Variants in SEPHS1 observed in about 807,000 individuals in gnomAD.
The protein encoded by SEPHS1 is selenophosphate synthetase 1.
SEPHS1 carries 7 observed loss-of-function variants against 39.2 expected under a neutral mutation model. The ratio of observed to expected loss-of-function variants is 0.18; its 90% confidence interval spans 0.10 to 0.34. SEPHS1 has a LOEUF of 0.34. SEPHS1 is among the 10% of genes least tolerant of loss of function. The pLI is 1.00. For synonymous variants in SEPHS1, 190 were observed against 195.5 expected, an observed-to-expected ratio of 0.97 and a Z score of 0.23; for missense variants, 253 against 514.5, an observed-to-expected ratio of 0.49 and a Z score of 4.92.
At chr10:13,340,071 T>C (rs559059424) in intron 2 of SEPHS1, among the ~76,000 whole-genome samples, 3 of 152,104 alleles carry the variant, frequency 2.0e-5, no homozygotes, top group African/African-American at 7.2e-5. Flanking sequence ...GTTTAAATCA[T>C]ATCTGAATCG....
chr10:13,340,406 C>G (rs3802584), intron 2 of SEPHS1, among the ~76,000 whole-genome samples: 2 of 152,132 alleles, frequency 1.3e-5, no homozygotes, highest in South Asian at 4.1e-4. Context: ...AGATAATTCA[C>G]GTAAACAGCC....
chr10:13,335,884 G>A (rs1351363408), intron 4 of SEPHS1, among the ~76,000 whole-genome samples: 1 of 150,984 alleles, frequency 6.6e-6, no homozygotes, highest in Non-Finnish European at 1.5e-5. Context: ...GGAGGCTGAG[G>A]CAGGAGAATT....
At chr10:13,325,960 AAAAATAAT>A (rs1460730045) in intron 7 of SEPHS1, among the ~76,000 whole-genome samples, 10 of 102,902 alleles carry the variant, frequency 9.7e-5, no homozygotes, top group African/African-American at 3.9e-4. Flanking sequence ...AAAAAAAAAA[AAAAATAAT>A]AATAATAATA....
At chr10:13,342,251 A>G (rs1224773479) in intron 2 of SEPHS1, among the ~76,000 whole-genome samples, 1 of 147,674 alleles carries the variant, frequency 6.8e-6, no homozygotes, top group African/African-American at 2.6e-5. Flanking sequence ...TGGGCGACAG[A>G]GCGAGACTCC....
chr10:13,321,313 C>G (rs1833107535), intron 8 of SEPHS1, among the ~76,000 whole-genome samples: 1 of 151,788 alleles, frequency 6.6e-6, no homozygotes, highest in Non-Finnish European at 1.5e-5. Context: ...GTGGGGCGAT[C>G]TTGGCTCACT....
At chr10:13,324,380 T>C (rs1372324351) in intron 7 of SEPHS1, among the ~76,000 whole-genome samples, 9 of 152,246 alleles carry the variant, frequency 5.9e-5, no homozygotes, top group Non-Finnish European at 1.0e-4. Context: ...CAATTATGAA[T>C]AATGCTGCTA....
At position 13,325,959 on chromosome 10, in the gene SEPHS1, AAAAAAT is replaced by A. The variant is rs1300713132; in HGVS notation, c.751+2386_751+2391del. ...GAGACTCAGTCTCAAAAAAAAAAAA[AAAAAAT>A]AATAATAATAATAATAAATGAATAA... On this transcript the variant is annotated intron_variant, in intron 7 of 8. Coordinates refer to ENST00000327347, the MANE Select transcript of SEPHS1 (RefSeq NM_012247.5). Among the ~76,000 whole-genome samples, 229 of 108,012 alleles carry A rather than the reference AAAAAAT, an allele frequency of 2.1e-3. 15 individuals carry two copies. The highest frequency in any genetic ancestry group is 3.9e-3 in the South Asian group (13 of 3,354). 70.9% of individuals were successfully genotyped at this position (108,012 alleles called of 152,430 possible).
At position 13,319,158 on chromosome 10, in the gene SEPHS1, G is replaced by A. The variant is rs1419246556; in HGVS notation, c.1163C>T (p.Pro388Leu). The A allele has an allele frequency of 3.7e-6, 6 of 1,612,902 alleles. No individual in the cohort carries two copies. In the African/African-American group the frequency reaches 6.7e-5, roughly 18 times the overall value. Residue 388 changes from proline to leucine, a missense_variant, in exon 9 of 9, where the codon CCC becomes CTC. Pro to Leu is a moderately conservative substitution (Grantham distance 98, BLOSUM62 -3). Transcript: ENST00000327347. The part of the protein sequence containing the change: ...QVATQNVNPT[P>L]GATS ...CTGTCTAGATTAAGAGGTGGCCCCG[G>A]GTGTGGGATTCACATTTTGAGTGGC...
chr10:13,333,578 C>T (rs1376844631), intron 5 of SEPHS1, among the ~76,000 whole-genome samples: 1 of 151,976 alleles, frequency 6.6e-6, no homozygotes, highest in African/African-American at 2.4e-5. Context: ...GTAGCTGAAA[C>T]TACAGGCTTG....
At chr10:13,336,818 A>G (rs1256889833) in intron 3 of SEPHS1, among the ~76,000 whole-genome samples, 1 of 152,150 alleles carries the variant, frequency 6.6e-6, no homozygotes, top group Admixed American at 6.5e-5. Flanking sequence ...TAGTGGTTAT[A>G]GAGATGGAGA....
At chr10:13,324,860 C>A (rs1479280125) in intron 7 of SEPHS1, among the ~76,000 whole-genome samples, 1 of 152,194 alleles carries the variant, frequency 6.6e-6, no homozygotes. Flanking sequence ...GCCATTCTAA[C>A]AGGTATGTGG....
At chr10:13,320,153 A>T (rs1833060140) in intron 8 of SEPHS1, among the ~76,000 whole-genome samples, 2 of 152,164 alleles carry the variant, frequency 1.3e-5, no homozygotes, top group South Asian at 4.1e-4. Flanking sequence ...ATTAAAATAA[A>T]CCTTTGTTGC....
At chr10:13,321,217 G>A (rs1273965090) in intron 8 of SEPHS1, among the ~76,000 whole-genome samples, 3 of 151,354 alleles carry the variant, frequency 2.0e-5, no homozygotes, top group Admixed American at 6.6e-5. Flanking sequence ...GGATCCCACC[G>A]TTTTTGGGAG....
rs1342089578 is a variant in SEPHS1, at chr10:13,348,158, C to T, written c.-237G>A. On this transcript the variant is annotated 5_prime_UTR_variant, in exon 1 of 9. Transcript: ENST00000327347. The stretch of plus-strand genomic sequence containing the variant: ...GGGGCCCGGGCCCGCGCCTGGGCGC[C>T]GCGGGGGCTCGCCTGCCTCGGCGCG... 1 of 144,460 alleles carries T rather than the reference C, an allele frequency of 6.9e-6. No individual in the cohort carries two copies. The highest frequency in any genetic ancestry group is 2.5e-5 in the African/African-American group (1 of 40,344). The allele number at this position is 144,460 out of a possible 1,614,324, so 8.9% of individuals were successfully genotyped here.
At chr10:13,322,143 CTTTTT>C (rs56709546) in intron 8 of SEPHS1, 18 of 316,680 alleles carry the variant, frequency 5.7e-5, no homozygotes, top group Non-Finnish European at 6.6e-5. Context: ...ATTCTCTTTT[CTTTTT>C]TTTTTTTTTT....
At position 13,319,245 on chromosome 10, in the gene SEPHS1, T is replaced by A; in HGVS notation, c.1076A>T (p.Lys359Met). 1 of 1,613,988 alleles carries A rather than the reference T, an allele frequency of 6.2e-7. No homozygotes were observed. The highest frequency in any genetic ancestry group is 8.5e-7 in the Non-Finnish European group (1 of 1,179,868). Residue 359 changes from lysine (K) to methionine (M), a missense_variant, in exon 9 of 9, where the codon AAG (lysine) becomes ATG (methionine). Lys to Met is a moderately conservative substitution (Grantham distance 95). Transcript: ENST00000327347. The part of the protein sequence containing the change: ...HQAWIIGIVE[K>M]GNRTARIIDK... ...TATGATTCTGGCTGTGCGGTTGCCCTTCTCTACAATCCCAATAATCCATGC... is the reference window on the plus strand; with the variant it reads ...TATGATTCTGGCTGTGCGGTTGCCCATCTCTACAATCCCAATAATCCATGC...
chr10:13,322,054 A>G (rs1006025425), intron 8 of SEPHS1: 2 of 455,810 alleles, frequency 4.4e-6, no homozygotes, highest in Non-Finnish European at 8.8e-6. Context: ...CCTCTAATAA[A>G]TTACTGCACA....
At chr10:13,324,315 T>G (rs1240431741) in intron 7 of SEPHS1, among the ~76,000 whole-genome samples, 1 of 152,242 alleles carries the variant, frequency 6.6e-6, no homozygotes, top group East Asian at 1.9e-4. Context: ...ACATTTTGTT[T>G]ATCCATTCAT....
chr10:13,325,433 A>T (rs1423821216), intron 7 of SEPHS1, among the ~76,000 whole-genome samples: 1 of 152,142 alleles, frequency 6.6e-6, no homozygotes, highest in South Asian at 2.1e-4. Context: ...TGTTCTCGTC[A>T]GGGTGAATGA....
Sources: allele counts gnomAD v4.1 joint callset (sites outside exome capture counted in the v4.1 genomes callset), GRCh38; gene constraint gnomAD v4.1.1; transcripts MANE v1.5; gene names NCBI Gene and HGNC (gene_info 2026-07-23, HGNC 2026-07-21).